Variants in KPNA1 observed in about 807,000 individuals in gnomAD.
The protein encoded by KPNA1 is karyopherin subunit alpha 1.
In KPNA1, 10 loss-of-function variants were observed where a neutral mutation model predicts 70.5. That is an observed-to-expected ratio of 0.14 (90% CI 0.09 to 0.24). KPNA1 has a LOEUF of 0.24. KPNA1 is among the 10% of genes least tolerant of loss of function. The pLI is 1.00. For synonymous variants in KPNA1, 192 were observed against 221.9 expected, an observed-to-expected ratio of 0.87 and a Z score of 1.20; for missense variants, 397 against 637.9, an observed-to-expected ratio of 0.62 and a Z score of 4.07.
chr3:122,436,600 G>A (rs2075992553), intron 11 of KPNA1, among the ~76,000 whole-genome samples: 1 of 152,096 alleles, frequency 6.6e-6, no homozygotes, highest in African/African-American at 2.4e-5. Context: ...TGGTTCCCCT[G>A]ATAACTATTT....
At chr3:122,451,853 C>A (rs529857889) in intron 7 of KPNA1, 123 bp downstream of exon 7, 2 of 724,860 alleles carry the variant, frequency 2.8e-6, no homozygotes, top group African/African-American at 1.8e-5. Context: ...AAGAAAATAT[C>A]TGGAATTAAA....
At chr3:122,510,579 A>G (rs1379397998) in intron 1 of KPNA1, among the ~76,000 whole-genome samples, 1 of 152,234 alleles carries the variant, frequency 6.6e-6, no homozygotes, top group Admixed American at 6.5e-5. Context: ...ACCTGTGATA[A>G]CTATATTTGG....
intron 9 of KPNA1, chr3:122,442,759 G>C (rs770006737): frequency 6.6e-6 from 1 of 152,102 alleles, no homozygotes; most frequent in Admixed American, 6.6e-5. Context: ...TAATGAGACC[G>C]ATCACTCTTC....
intron 9 of KPNA1, among the ~76,000 whole-genome samples, chr3:122,444,481 C>T (rs570239828): frequency 5.8e-4 from 88 of 152,268 alleles, no homozygotes; most frequent in Middle Eastern, 3.4e-3. Context: ...GCAGTAGACA[C>T]GCGTAAGAAA....
intron 1 of KPNA1, 111 bp from the exon 2 acceptor site, chr3:122,496,681 C>G (rs2076765229): frequency 1.0e-6 from 1 of 965,598 alleles, no homozygotes; most frequent in African/African-American, 1.6e-5. Flanking sequence ...AAAGGGACAT[C>G]AGAAATGGCT....
intron 5 of KPNA1, chr3:122,460,728 A>C (rs902421931): frequency 8.5e-5 from 79 of 931,812 alleles, no homozygotes; most frequent in Admixed American, 6.2e-5. Flanking sequence ...CAGTACTGAA[A>C]GCCTAAATTG....
rs2075833718 is a variant in KPNA1, at chr3:122,427,141, A to G, written c.1461T>C (p.His487=). The G allele has an allele frequency of 3.1e-6, 5 of 1,614,020 alleles. No individual in the cohort carries two copies. The highest frequency in any genetic ancestry group is 4.2e-6 in the Non-Finnish European group (5 of 1,179,938). Residue 487 remains histidine (H), a synonymous_variant, in exon 14 of 14, where the codon CAT becomes CAC. Transcript: ENST00000344337. ...GLDKIEFLQS[H]ENQEIYQKAF... ...CCTTTTGGTAGATCTCCTGGTTTTC[A>G]TGACTCTGTAAGAACTCAATTTTAT... is the stretch of plus-strand genomic sequence containing the variant.
In KPNA1 at chr3:122,432,148, C is replaced by T. The variant is rs370218732; in HGVS notation, c.1250+1513G>A. Among the ~76,000 whole-genome samples, 8 of 152,268 alleles carry T rather than the reference C, an allele frequency of 5.3e-5. No homozygotes were observed. In the East Asian group the frequency reaches 1.3e-3, roughly 26 times the overall value. On this transcript the variant is annotated intron_variant, in intron 12 of 13. Transcript: ENST00000344337. ...ATATATTTGCTATAAAATATAGAGA[C>T]AATTAATAACTATAAATGTGAATTT...
At chr3:122,489,754 G>A (rs2076676073) in intron 2 of KPNA1, among the ~76,000 whole-genome samples, 1 of 152,048 alleles carries the variant, frequency 6.6e-6, no homozygotes, top group Non-Finnish European at 1.5e-5. Context: ...CACAATCTTT[G>A]GATGCCAGAC....
intron 3 of KPNA1, among the ~76,000 whole-genome samples, 173 bp downstream of exon 3, chr3:122,467,149 C>A (rs867893234): frequency 5.3e-5 from 8 of 152,048 alleles, no homozygotes; most frequent in Admixed American, 2.0e-4. Flanking sequence ...AATTTAACTG[C>A]ACTTTATCCA....
rs2075839712 is a variant in KPNA1 at position 122,427,675 on chromosome 3, A to AGATCACAGAGC, written c.1281_1291dup (p.Leu431ArgfsTer18). On this transcript the variant is annotated frameshift_variant, in exon 13 of 14. Transcript: ENST00000344337. LOFTEE classifies it high-confidence loss of function. ...AATCTTAGAGTCCATGACCGTGAGG[A>AGATCACAGAGC]GATCACAGAGCGGCTTGATACAACC... is the stretch of plus-strand genomic sequence containing the variant. 6.2e-7 allele frequency: 1 copy of AGATCACAGAGC among 1,611,598 alleles called. No individual in the cohort carries two copies. Among genetic ancestry groups the AGATCACAGAGC allele is most frequent in the Non-Finnish European group, 8.5e-7 (1 of 1,178,590 alleles).
intron 1 of KPNA1, among the ~76,000 whole-genome samples, chr3:122,514,241 G>A (rs1012257934): frequency 6.6e-6 from 1 of 152,182 alleles, no homozygotes; most frequent in Admixed American, 6.5e-5. Context: ...CTCCCTCCGG[G>A]CCGCCGGCTC....
At position 122,501,680 on chromosome 3, in the gene KPNA1, T is replaced by C. The variant is rs1198703805; in HGVS notation, c.-5-5110A>G. 3.3e-5 allele frequency among the ~76,000 whole-genome samples: 5 copies of C among 152,186 alleles called. No homozygotes were observed. In the East Asian group the frequency reaches 9.6e-4, roughly 29 times the overall value. ...TATTTCCAGGATATACATATTTCTA[T>C]TTGAAAATACATATTTTTGACTGCT... is the stretch of plus-strand genomic sequence containing the variant. On this transcript the variant is annotated intron_variant, in intron 1 of 13. Coordinates refer to ENST00000344337, the MANE Select transcript of KPNA1 (RefSeq NM_002264.4).
intron 2 of KPNA1, among the ~76,000 whole-genome samples, chr3:122,494,037 T>C (rs2107495819): frequency 6.6e-6 from 1 of 152,320 alleles, no homozygotes; most frequent in East Asian, 1.9e-4. Flanking sequence ...GAGTTCCTTG[T>C]AGATTCTGAA....
intron 6 of KPNA1, among the ~76,000 whole-genome samples, chr3:122,452,492 G>C (rs1024419654): frequency 1.4e-5 from 2 of 141,948 alleles, no homozygotes; most frequent in Non-Finnish European, 3.1e-5. Context: ...CTGGGTGACA[G>C]GGACAGACGG....
rs972068401 is a variant in KPNA1 at position 122,425,590 on chromosome 3, G to GT, written c.*1394dup. On this transcript the variant is annotated 3_prime_UTR_variant, in exon 14 of 14. Transcript: ENST00000344337. Reference sequence around the variant, plus strand: ...TTTGCAGTTGTCTTGGCAATTAAGCGTATTTTTTCATTCCAGTCCAAGCAC... The same window carrying GT: ...TTTGCAGTTGTCTTGGCAATTAAGCGTTATTTTTTCATTCCAGTCCAAGCAC... 6.6e-6 allele frequency: 1 copy of GT among 152,448 alleles called. No homozygotes were observed. The highest frequency in any genetic ancestry group is 2.4e-5 in the African/African-American group (1 of 41,374). The allele number at this position is 152,448 out of a possible 1,614,324, so 9.4% of individuals were successfully genotyped here. A position where few individuals can be genotyped will look rare whatever the true frequency, so the allele number is the denominator to read the frequency against.
intron 5 of KPNA1, among the ~76,000 whole-genome samples, chr3:122,454,613 C>A (rs950095479): frequency 2.0e-5 from 3 of 152,094 alleles, no homozygotes; most frequent in African/African-American, 4.8e-5. Context: ...ACATAAAATA[C>A]AGGCACAGTG....
At chr3:122,480,000 A>C (rs1176699884) in intron 2 of KPNA1, among the ~76,000 whole-genome samples, 1 of 152,184 alleles carries the variant, frequency 6.6e-6, no homozygotes, top group Non-Finnish European at 1.5e-5. Context: ...TGAGCTATGA[A>C]GCCGTGGAAA....
chr3:122,454,612 A>C (rs2076245702), intron 5 of KPNA1, among the ~76,000 whole-genome samples: 1 of 152,258 alleles, frequency 6.6e-6, no homozygotes, highest in Non-Finnish European at 1.5e-5. Context: ...AACATAAAAT[A>C]CAGGCACAGT....
Sources: allele counts gnomAD v4.1 joint callset (sites outside exome capture counted in the v4.1 genomes callset), GRCh38; gene constraint gnomAD v4.1.1; transcripts MANE v1.5; gene names NCBI Gene and HGNC (gene_info 2026-07-23, HGNC 2026-07-21).